The following MUSK variants were observed in gnomAD, a reference collection of about 807,000 sequenced individuals.
MUSK encodes muscle, skeletal receptor tyrosine-protein kinase.
A neutral mutation model predicts 88.7 loss-of-function variants in MUSK; 55 were observed. The ratio of observed to expected loss-of-function variants is 0.62; its 90% CI spans 0.50 to 0.78. The LOEUF is 0.78. Ranked by LOEUF, MUSK falls within the 30% of genes least tolerant of loss-of-function variation. MUSK has a pLI of 0.00. For missense variants in MUSK, 1,015 were observed against 1,074.3 expected (o/e 0.94, Z 0.77); for synonymous variants, 387 against 391.9 (o/e 0.99, Z 0.15).
intron 9 of MUSK, 104 bp downstream of exon 9, chr9:110,768,187 C>A: frequency 8.1e-7 from 1 of 1,237,788 alleles, no homozygotes; most frequent in Non-Finnish European, 1.1e-6. Context: ...AAAGGAAAAG[C>A]TGGTTTTCAT....
intron 5 of MUSK, among the ~76,000 whole-genome samples, chr9:110,704,984 C>CA (rs35622904): frequency 0.3 from 33,072 of 111,768 alleles, 3,951 homozygotes; most frequent in East Asian, 0.36. Flanking sequence ...GATTCCATCT[C>CA]AAAAAAAAAA....
Position 110,697,310 on chromosome 9 carries a change from C to A in MUSK, c.487-15C>A. 1 of 1,612,302 alleles carries A rather than the reference C, an allele frequency of 6.2e-7. No homozygotes were observed. The highest frequency in any genetic ancestry group is 8.5e-7 in the Non-Finnish European group (1 of 1,178,920). ...CCCATAAACATTTTTGAATTCACGT[C>A]CCTATCTCTGGCAGGAAAATTCCCG... is the stretch of plus-strand genomic sequence containing the variant. On this transcript the variant is annotated splice_polypyrimidine_tract_variant and intron_variant, in intron 4 of 14. Transcript: ENST00000374448.
intron 5 of MUSK, among the ~76,000 whole-genome samples, chr9:110,699,287 C>T (rs1424657687): frequency 6.6e-6 from 1 of 152,072 alleles, no homozygotes; most frequent in Non-Finnish European, 1.5e-5. Flanking sequence ...ACTGAGAGCT[C>T]ATAATATCAT....
chr9:110,698,568 T>A (rs2131723593), intron 5 of MUSK, among the ~76,000 whole-genome samples: 1 of 152,280 alleles, frequency 6.6e-6, no homozygotes, highest in Non-Finnish European at 1.5e-5. Flanking sequence ...TTATTTTTAT[T>A]TCCTTGATGG....
intron 3 of MUSK, among the ~76,000 whole-genome samples, chr9:110,689,689 A>ATAGTTATATATAAATATATATATATT (rs2076270293): frequency 1.6e-5 from 1 of 64,500 alleles, no homozygotes; most frequent in African/African-American, 8.8e-5. Flanking sequence ...ATAACTATAT[A>ATAGTTATATATAAATATATATATATT]TAGTTATATA....
At chr9:110,748,551 C>A (rs1458099039) in intron 7 of MUSK, among the ~76,000 whole-genome samples, 1 of 152,068 alleles carries the variant, frequency 6.6e-6, no homozygotes, top group African/African-American at 2.4e-5. Flanking sequence ...TTATAGAATT[C>A]CTAGAGATGG....
rs972188091 is a variant in MUSK, at chr9:110,805,035, G to T, written c.*4047G>T. On this transcript the variant is annotated 3_prime_UTR_variant, in exon 15 of 15. Coordinates refer to ENST00000374448, the MANE Select transcript of MUSK (RefSeq NM_005592.4). ...AGTATTCATGTGCAACATTAATTTT[G>T]ATGGTTGAATAGTATTATACAGATT... Among the ~76,000 whole-genome samples the T allele has an allele frequency of 4.6e-5, 7 of 151,822 alleles. No homozygotes were observed. Among genetic ancestry groups the T allele is most frequent in the Non-Finnish European group, 1.0e-4 (7 of 67,794 alleles).
rs183723004 is a variant in MUSK, at chr9:110,781,242, C to T, written c.1385-3573C>T. Among the ~76,000 whole-genome samples, 9 of 144,984 alleles carry T rather than the reference C, an allele frequency of 6.2e-5. No homozygotes were observed. In the East Asian group the frequency reaches 1.2e-3, roughly 20 times the overall value. On this transcript the variant is annotated intron_variant, in intron 11 of 14. Coordinates refer to ENST00000374448, the MANE Select transcript of MUSK (RefSeq NM_005592.4). ...TCTTAATTCCCCCATCCCACACACA[C>T]GTTTGTGTGTGTTTTTTTGTTTTGT...
chr9:110,690,004 A>C (rs1185497856), intron 3 of MUSK, among the ~76,000 whole-genome samples: 1 of 91,504 alleles, frequency 1.1e-5, no homozygotes, highest in Non-Finnish European at 1.9e-5. Flanking sequence ...TATATTATAT[A>C]TTATAAATAT....
At chr9:110,740,918 A>G (rs2077088993) in intron 6 of MUSK, among the ~76,000 whole-genome samples, 1 of 152,176 alleles carries the variant, frequency 6.6e-6, no homozygotes, top group African/African-American at 2.4e-5. Context: ...AAATGATCTC[A>G]CTTATATGTG....
intron 6 of MUSK, among the ~76,000 whole-genome samples, chr9:110,740,189 T>C (rs528631212): frequency 4.6e-5 from 7 of 152,272 alleles, no homozygotes; most frequent in African/African-American, 1.7e-4. Flanking sequence ...TTCATGACTT[T>C]CTCTTCTCCA....
intron 11 of MUSK, among the ~76,000 whole-genome samples, chr9:110,781,291 GTT>G (rs1024370022): frequency 8.0e-6 from 1 of 124,776 alleles, no homozygotes; most frequent in Admixed American, 8.3e-5. Context: ...GTTTTGTTTT[GTT>G]TGAGACGGAG....
Position 110,756,855 on chromosome 9 carries a change from GTC to G in MUSK, c.914-5345_914-5344del, listed in dbSNP as rs752718746. ...AATGTCAAGTTGTATGTGTGTGTGT[GTC>G]TGTGTATGTTTACATATTTCCTACG... On this transcript the variant is annotated intron_variant, in intron 7 of 14. Transcript: ENST00000374448. 6.4e-5 allele frequency among the ~76,000 whole-genome samples: 8 copies of G among 124,852 alleles called. No individual in the cohort carries two copies. The East Asian group carries it at 8.5e-4, about 13-fold the overall frequency. The allele number at this position is 124,852 out of a possible 152,430, so 81.9% of individuals were successfully genotyped here. A position where few individuals can be genotyped will look rare whatever the true frequency, so the allele number is the denominator to read the frequency against.
intron 8 of MUSK, among the ~76,000 whole-genome samples, chr9:110,766,004 TTTTTC>T (rs1399437730): frequency 3.9e-5 from 6 of 152,110 alleles, no homozygotes; most frequent in Admixed American, 3.9e-4. Context: ...CTTGTTCAGA[TTTTTC>T]TCAGCCCCTC....
intron 3 of MUSK, among the ~76,000 whole-genome samples, chr9:110,689,291 A>G (rs1490409003): frequency 1.7e-5 from 2 of 118,208 alleles, no homozygotes; most frequent in African/African-American, 3.5e-5. Context: ...ATATAAATAT[A>G]TAGCTATATA....
intron 3 of MUSK, among the ~76,000 whole-genome samples, chr9:110,690,390 AAG>A (rs1490191799): frequency 8.8e-6 from 1 of 114,252 alleles, no homozygotes; most frequent in Non-Finnish European, 1.6e-5. Context: ...ATTTAAATAT[AAG>A]TATATACATA....
chr9:110,762,552 A>G (rs2077417491), intron 8 of MUSK, among the ~76,000 whole-genome samples: 2 of 151,972 alleles, frequency 1.3e-5, no homozygotes, highest in South Asian at 4.2e-4. Flanking sequence ...TATTATTGTT[A>G]TCTCTATTTT....
At chr9:110,729,886 C>A (rs1329290463) in intron 5 of MUSK, among the ~76,000 whole-genome samples, 1 of 151,970 alleles carries the variant, frequency 6.6e-6, no homozygotes, top group Non-Finnish European at 1.5e-5. Context: ...AACATGGATG[C>A]CCTGTCCCTT....
At chr9:110,782,863 C>T (rs55957860) in intron 11 of MUSK, among the ~76,000 whole-genome samples, 4,424 of 152,200 alleles carry the variant, frequency 0.029, 233 homozygotes, top group African/African-American at 0.1. Context: ...ACTGATCTTG[C>T]GCAGATGTTT....
Sources: gnomAD v4.1 joint callset for allele counts (sites outside exome capture counted in the v4.1 genomes callset) on GRCh38, gnomAD v4.1.1 for gene constraint, MANE v1.5 for transcripts, NCBI Gene and HGNC (gene_info 2026-07-23, HGNC 2026-07-21) for gene names.